The following SNRNP200 variants were observed in gnomAD, a reference collection of about 807,000 sequenced individuals.
SNRNP200 encodes U5 small nuclear ribonucleoprotein 200 kDa helicase.
Under a neutral mutation model 255.2 loss-of-function variants are expected in SNRNP200, and 66 were observed. The ratio of observed to expected loss-of-function variants is 0.26; its 90% CI spans 0.21 to 0.32. The LOEUF (loss-of-function observed/expected upper bound fraction) is 0.32. Ranked by LOEUF, SNRNP200 falls within the 10% of genes least tolerant of loss-of-function variation. SNRNP200 has a pLI of 1.00. For missense variants in SNRNP200, 1,585 were observed against 2,749.8 expected, an observed-to-expected ratio of 0.58 and a Z score of 9.47; for synonymous variants, 939 against 1,027.8, an observed-to-expected ratio of 0.91 and a Z score of 1.65.
In SNRNP200 at chr2:96,278,328, G is replaced by A. The variant is rs771080278; in HGVS notation, c.5519C>T (p.Thr1840Ile). ...GATCTCGATAAGCCCTCGCACCTTG[G>A]TCTTGGCATTGAGGGACATGCTGAA... ...ELFSMSLNAK[T>I]KVRGLIEIIS... The change falls in exon 39 of 45, where the codon ACC becomes ATC. Residue 1840 changes from threonine to isoleucine, a missense_variant. Thr to Ile is a moderately conservative substitution (Grantham distance 89). Around this residue, in one of 9 missense-constraint regions of SNRNP200, gnomAD observed 279 missense variants for 551.2 expected, o/e 0.51. Coordinates refer to ENST00000323853, the MANE Select transcript of SNRNP200 (RefSeq NM_014014.5). The surrounding 1 kb of genome is among the most constrained non-coding windows in gnomAD (Gnocchi z 6.9). 8 of 1,614,036 alleles carry A rather than the reference G, an allele frequency of 5.0e-6. No individual in the cohort carries two copies. Among genetic ancestry groups the A allele is most frequent in the Non-Finnish European group, 5.9e-6 (7 of 1,180,038 alleles).
chr2:96,290,043 T>C lies in SNRNP200; in HGVS notation c.2743-47A>G. ...TCTTAGCATGGAGAAACTCTTGATG[T>C]CCAAATGACAGGCTCCCATGAATTG... On this transcript the variant is annotated intron_variant, in intron 20 of 44. Coordinates refer to ENST00000323853, the MANE Select transcript of SNRNP200 (RefSeq NM_014014.5). This position sits in a 1 kb window ranked among gnomAD's most constrained non-coding sequence, Gnocchi z 4.5. 1 of 1,565,120 alleles carries C rather than the reference T, an allele frequency of 6.4e-7. No homozygotes were observed. Among genetic ancestry groups the C allele is most frequent in the Middle Eastern group, 1.7e-4 (1 of 5,972 alleles).
In SNRNP200 at chr2:96,283,824, G is replaced by C. The variant is rs1279641266; in HGVS notation, c.4573C>G (p.Leu1525Val). 6.2e-7 allele frequency: 1 copy of C among 1,610,900 alleles called. No individual in the cohort carries two copies. The highest frequency in any genetic ancestry group is 1.3e-5 in the African/African-American group (1 of 74,834). Reference protein sequence around the residue: ...HPNVRPVPLELHIQGFNISHT... With the variant: ...HPNVRPVPLEVHIQGFNISHT... Reference sequence around the variant, plus strand: ...AGAGTGGGTCCTACCTGGATGTGCAGCTCCAAGGGGACGGGACGCACATTG... The same window carrying C: ...AGAGTGGGTCCTACCTGGATGTGCACCTCCAAGGGGACGGGACGCACATTG... Residue 1525 changes from leucine (L) to valine (V), a missense_variant, in exon 32 of 45, where the codon CTG becomes GTG. Physicochemically the swap from Leu to Val is conservative, Grantham distance 32. Transcript: ENST00000323853. The surrounding 1 kb of genome is among the most constrained non-coding windows in gnomAD (Gnocchi z 4.7).
At chr2:96,285,375 A>G (rs751290947) in intron 29 of SNRNP200, 35 bp from the exon 30 acceptor site, 1 of 1,606,878 alleles carries the variant, frequency 6.2e-7, no homozygotes, top group Non-Finnish European at 8.5e-7. Context: ...TGTAAGTATC[A>G]AGAAGGAAGA....
chr2:96,275,940 A>G (rs976553172), intron 43 of SNRNP200, among the ~76,000 whole-genome samples: 11 of 152,204 alleles, frequency 7.2e-5, no homozygotes, highest in Non-Finnish European at 1.3e-4. Context: ...CGGGAGGCGG[A>G]GCTTGCAGTG....
rs762706584 is a variant in SNRNP200 at position 96,290,369 on chromosome 2, A to G, written c.2699T>C (p.Met900Thr). 6 of 1,614,182 alleles carry G rather than the reference A, an allele frequency of 3.7e-6. No homozygotes were observed. In the Admixed American group the frequency reaches 1.0e-4, roughly 27 times the overall value. ...TCCTAGCACGATTTCTGCATTGAGC[A>G]TGTCAGGAAGCTTTGAAACCATCTG... ...ESQMVSKLPD[M>T]LNAEIVLGNV... The change falls in exon 20 of 45, where the codon ATG becomes ACG. Residue 900 changes from methionine (M) to threonine (T), a missense_variant. Met to Thr is a moderately conservative substitution (Grantham distance 81, BLOSUM62 -1). Around this residue, in one of 9 missense-constraint regions of SNRNP200, gnomAD observed 719 missense variants for 1,091.1 expected, o/e 0.66. Transcript: ENST00000323853. This position sits in a 1 kb window ranked among gnomAD's most constrained non-coding sequence, Gnocchi z 4.5.
Position 96,283,745 on chromosome 2 carries a change from G to A in SNRNP200, c.4585-32C>T, listed in dbSNP as rs749090973. 5.6e-6 allele frequency: 9 copies of A among 1,613,902 alleles called. No homozygotes were observed. Among genetic ancestry groups the A allele is most frequent in the East Asian group, 2.2e-5 (1 of 44,886 alleles). On this transcript the variant is annotated intron_variant, in intron 32 of 44. Transcript: ENST00000323853. This position sits in a 1 kb window ranked among gnomAD's most constrained non-coding sequence, Gnocchi z 4.7. The stretch of plus-strand genomic sequence containing the variant: ...ACCGGGGAGAAGAAAAGACACCAAG[G>A]TTATCAGACCTGGGTCACTCAGGAT...
chr2:96,297,182 T>A, intron 11 of SNRNP200, 112 bp from the exon 12 acceptor site: 1 of 1,549,944 alleles, frequency 6.5e-7, no homozygotes. Flanking sequence ...TAACTTTCCA[T>A]TAAAGGTCAG....
chr2:96,283,702 G>A lies in SNRNP200; in HGVS notation c.4596C>T (p.Ile1532=), dbSNP rs761355359. The A allele has an allele frequency of 2.5e-6, 4 of 1,614,100 alleles. No individual in the cohort carries two copies. In the Admixed American group the frequency reaches 6.7e-5, roughly 27 times the overall value. The change falls in exon 33 of 45, where the codon ATC becomes ATT. Residue 1532 remains isoleucine (I), a synonymous_variant. Coordinates refer to ENST00000323853, the MANE Select transcript of SNRNP200 (RefSeq NM_014014.5). This position sits in a 1 kb window ranked among gnomAD's most constrained non-coding sequence, Gnocchi z 4.7. The part of the protein sequence containing the change: ...PLELHIQGFN[I]SHTQTRLLSM... ...AGAGCAGGCGGGTTTGTGTATGGCT[G>A]ATGTTGAAGCCCTGGCGACCGGGGA...
chr2:96,289,383 G>C lies in SNRNP200; in HGVS notation c.2941-4C>G. ...CTATACGGCCCAGTTCTGTCACCTG[G>C]AGAGAAGGTAGACTCAATCCAGTGC... On this transcript the variant is annotated splice_polypyrimidine_tract_variant and splice_region_variant and intron_variant, in intron 21 of 44. Coordinates refer to ENST00000323853, the MANE Select transcript of SNRNP200 (RefSeq NM_014014.5). The C allele has an allele frequency of 6.2e-7, 1 of 1,613,756 alleles. No individual in the cohort carries two copies.
intron 43 of SNRNP200, chr2:96,276,702 G>C (rs775539976): frequency 2.9e-6 from 2 of 681,614 alleles, no homozygotes; most frequent in Admixed American, 2.1e-5. Context: ...TTACAGGCGT[G>C]AGCCACTGCG....
intron 11 of SNRNP200, 139 bp downstream of exon 11, chr2:96,297,224 A>T: frequency 6.7e-7 from 1 of 1,495,706 alleles, no homozygotes; most frequent in Admixed American, 1.8e-5. Context: ...CTGGGCTCAA[A>T]ATCAGAATGG....
Position 96,278,287 on chromosome 2 carries a change from C to T in SNRNP200, c.5560G>A (p.Glu1854Lys). 6.2e-7 allele frequency: 1 copy of T among 1,614,188 alleles called. No homozygotes were observed. The highest frequency in any genetic ancestry group is 8.5e-7 in the Non-Finnish European group (1 of 1,180,040). The change falls in exon 39 of 45, where the codon GAG becomes AAG. Residue 1854 changes from glutamate to lysine, a missense_variant. By Grantham distance (56) the Glu-to-Lys change is moderately conservative. This residue lies in a region of SNRNP200 where 279 missense variants were observed against 551.2 expected (regional missense o/e 0.51). Coordinates refer to ENST00000323853, the MANE Select transcript of SNRNP200 (RefSeq NM_014014.5). The surrounding 1 kb of genome is among the most constrained non-coding windows in gnomAD (Gnocchi z 6.9). ...GLIEIISNAA[E>K]YENIPIRHHE... is the part of the protein sequence containing the mutation. The stretch of plus-strand genomic sequence containing the variant: ...TGCCGGATGGGAATGTTCTCATACT[C>T]TGCTGCATTGGAGATGATCTCGATA...
At chr2:96,294,415 G>A (rs894759150) in intron 14 of SNRNP200, among the ~76,000 whole-genome samples, 1 of 151,970 alleles carries the variant, frequency 6.6e-6, no homozygotes, top group African/African-American at 2.4e-5. Flanking sequence ...TCCAGCCTGG[G>A]CAACAAGAGT....
In SNRNP200 at chr2:96,284,517, C is replaced by T. The variant is rs772364991; in HGVS notation, c.4233G>A (p.Glu1411=). Residue 1411 remains glutamate, a synonymous_variant, in exon 31 of 45, where the codon GAG becomes GAA. Transcript: ENST00000323853. ...CCAGCAGCTTCAGGTCTGTGCTGGT[C>T]TCGCCTGTCAGGAGTACCACCTTCT... is the stretch of plus-strand genomic sequence containing the variant. The part of the protein sequence containing the change: ...LNKKVVLLTG[E]TSTDLKLLGK... 9.9e-6 allele frequency: 16 copies of T among 1,614,206 alleles called. No individual in the cohort carries two copies. The Admixed American group carries it at 2.7e-4, about 27-fold the overall frequency.
At chr2:96,303,419 C>T (rs1007094987) in intron 2 of SNRNP200, 89 bp from the exon 3 acceptor site, 1 of 1,471,436 alleles carries the variant, frequency 6.8e-7, no homozygotes, top group Non-Finnish European at 9.5e-7. Context: ...TCCTCAGCTT[C>T]ATGGCAAGAA....
In SNRNP200 at chr2:96,278,538, G is replaced by A. The variant is rs200122357; in HGVS notation, c.5488+9C>T. On this transcript the variant is annotated intron_variant, in intron 38 of 44. Coordinates refer to ENST00000323853, the MANE Select transcript of SNRNP200 (RefSeq NM_014014.5). This position sits in a 1 kb window ranked among gnomAD's most constrained non-coding sequence, Gnocchi z 6.9. ...CCACAGACAGGACACGGGCCATGCCGGGCCTCACCAATGGTGGTGTAGTTG... is the reference window on the plus strand; with the variant it reads ...CCACAGACAGGACACGGGCCATGCCAGGCCTCACCAATGGTGGTGTAGTTG... The A allele has an allele frequency of 9.6e-5, 155 of 1,613,648 alleles. No homozygotes were observed. Among genetic ancestry groups the A allele is most frequent in the Non-Finnish European group, 7.3e-5 (86 of 1,180,028 alleles).
At chr2:96,282,052 A>G in intron 34 of SNRNP200, 130 bp from the exon 35 acceptor site, 1 of 698,376 alleles carries the variant, frequency 1.4e-6, no homozygotes, top group Non-Finnish European at 2.6e-6. Context: ...GGCTAGGAAC[A>G]AGGTCTAACA....
Position 96,287,673 on chromosome 2 carries a change from G to A in SNRNP200, c.3366-116C>T. On this transcript the variant is annotated intron_variant, in intron 25 of 44. Transcript: ENST00000323853. This position sits in a 1 kb window ranked among gnomAD's most constrained non-coding sequence, Gnocchi z 5.7. Reference sequence around the variant, plus strand: ...ACACAAAACACAGTCATTAAAGGCAGACACTGACACTGTGCCAGCCCTGGC... The same window carrying A: ...ACACAAAACACAGTCATTAAAGGCAAACACTGACACTGTGCCAGCCCTGGC... The A allele has an allele frequency of 1.1e-6, 1 of 938,714 alleles. No homozygotes were observed. The highest frequency in any genetic ancestry group is 1.8e-6 in the Non-Finnish European group (1 of 565,036). The allele number at this position is 938,714 out of a possible 1,614,324, so 58.1% of individuals were successfully genotyped here.
Position 96,279,572 on chromosome 2 carries a change from G to T in SNRNP200, c.5025-13C>A. 1.3e-6 allele frequency: 2 copies of T among 1,589,418 alleles called. No homozygotes were observed. Among genetic ancestry groups the T allele is most frequent in the Non-Finnish European group, 1.7e-6 (2 of 1,158,136 alleles). On this transcript the variant is annotated splice_polypyrimidine_tract_variant and intron_variant, in intron 35 of 44. Coordinates refer to ENST00000323853, the MANE Select transcript of SNRNP200 (RefSeq NM_014014.5). ...GTAATCCACATAGCTGGTGACAGAAGCAGGGAAAGAAGGAAAAGCCACCTC... is the reference window on the plus strand; with the variant it reads ...GTAATCCACATAGCTGGTGACAGAATCAGGGAAAGAAGGAAAAGCCACCTC...
Sources: gnomAD v4.1 joint callset for allele counts (sites outside exome capture counted in the v4.1 genomes callset) on GRCh38, gnomAD v4.1.1 for gene constraint, gnomAD v4.1.1 regional missense constraint, Gnocchi (gnomAD v3.1) non-coding constraint, MANE v1.5 for transcripts, NCBI Gene and HGNC (gene_info 2026-07-23, HGNC 2026-07-21) for gene names.